PTPRD: variants seen among roughly 807,000 people sequenced by gnomAD.
PTPRD encodes the protein protein tyrosine phosphatase receptor type D.
A neutral mutation model predicts 214.5 loss-of-function variants in PTPRD; 34 were observed. The ratio of observed to expected loss-of-function variants is 0.16; its 90% confidence interval spans 0.12 to 0.21. PTPRD has a LOEUF of 0.21. Ranked by LOEUF, PTPRD falls within the 10% of genes least tolerant of loss-of-function variation. The pLI, the probability that PTPRD is intolerant of heterozygous loss-of-function variation, is 1.00. For missense variants in PTPRD, 2,545 were observed against 2,398.7 expected, an observed-to-expected ratio of 1.06 and a Z score of -1.27; for synonymous variants, 1,128 against 845.7, an observed-to-expected ratio of 1.33 and a Z score of -5.79.
chr9:9,101,408 C>T lies in PTPRD; in HGVS notation c.-143+81896G>A, dbSNP rs1002686423. On this transcript the variant is annotated intron_variant, in intron 10 of 45. Coordinates refer to ENST00000381196, the MANE Select transcript of PTPRD (RefSeq NM_002839.4). ...TTTCTGGCAGCTCTATAAAAATACACCTGTACAGATACGATTAGCATCCTC... is the reference window on the plus strand; with the variant it reads ...TTTCTGGCAGCTCTATAAAAATACATCTGTACAGATACGATTAGCATCCTC... Among the ~76,000 whole-genome samples, 15 of 152,106 alleles carry T rather than the reference C, an allele frequency of 9.9e-5. 1 individual carries two copies. The highest frequency in any genetic ancestry group is 2.1e-4 in the South Asian group (1 of 4,814).
intron 10 of PTPRD, among the ~76,000 whole-genome samples, chr9:9,057,296 AT>A (rs1279178348): frequency 6.6e-6 from 1 of 151,944 alleles, no homozygotes; most frequent in African/African-American, 2.4e-5. Context: ...GCAATGATAT[AT>A]TTTTTTTCTA....
At chr9:9,273,650 G>A (rs1333844682) in intron 9 of PTPRD, among the ~76,000 whole-genome samples, 1 of 151,250 alleles carries the variant, frequency 6.6e-6, no homozygotes, top group Non-Finnish European at 1.5e-5. Context: ...GTCTACCCAG[G>A]CTGACTCTAT....
intron 34 of PTPRD, among the ~76,000 whole-genome samples, chr9:8,448,938 T>C (rs529810241): frequency 6.6e-6 from 1 of 152,284 alleles, no homozygotes; most frequent in Admixed American, 6.5e-5. Context: ...TCATAACATA[T>C]TAAGATAGGG....
chr9:8,825,883 A>C (rs1352283237), intron 11 of PTPRD, among the ~76,000 whole-genome samples: 2 of 152,184 alleles, frequency 1.3e-5, no homozygotes, highest in African/African-American at 2.4e-5. Context: ...AGCAGATGCC[A>C]CAATTGTTGC....
At chr9:8,604,870 A>G (rs2095110769) in intron 14 of PTPRD, among the ~76,000 whole-genome samples, 2 of 152,224 alleles carry the variant, frequency 1.3e-5, no homozygotes, top group African/African-American at 2.4e-5. Context: ...TCATCCCTTA[A>G]CATGTATAGC....
chr9:8,636,555 G>A (rs867324909), intron 13 of PTPRD, 144 bp downstream of exon 13: 86 of 1,097,598 alleles, frequency 7.8e-5, no homozygotes, highest in Middle Eastern at 5.5e-4. Flanking sequence ...GCCATTTAGA[G>A]TTACATTTTC....
chr9:10,035,350 G>C (rs1318091101), intron 3 of PTPRD, among the ~76,000 whole-genome samples: 3 of 151,750 alleles, frequency 2.0e-5, no homozygotes, highest in Non-Finnish European at 4.4e-5. Context: ...CTTTGTCATA[G>C]GAATAGTTTG....
chr9:9,269,231 A>C (rs1478518071), intron 9 of PTPRD, among the ~76,000 whole-genome samples: 2 of 151,382 alleles, frequency 1.3e-5, no homozygotes, highest in Non-Finnish European at 3.0e-5. Context: ...CAGGTTATGA[A>C]ATGGTTAATA....
In PTPRD at chr9:8,517,982, T is replaced by C; in HGVS notation, c.1409A>G (p.Asn470Ser). The change falls in exon 21 of 46, where the codon AAT (asparagine) becomes AGT (serine). Residue 470 changes from asparagine (N) to serine (S), a missense_variant. Transcript: ENST00000381196. ...AGTAGTGATTTGGCTGTCAGCTACA[T>C]TGTGTTTCATCCAGTTGTTGACATG... ...TQHVNNWMKHNVADSQITTIG... is the reference protein window; with the variant it reads ...TQHVNNWMKHSVADSQITTIG... 2.5e-6 allele frequency: 4 copies of C among 1,614,190 alleles called. No individual in the cohort carries two copies. Among genetic ancestry groups the C allele is most frequent in the East Asian group, 2.2e-5 (1 of 44,878 alleles).
chr9:9,238,223 C>G (rs1417017553), intron 9 of PTPRD, among the ~76,000 whole-genome samples: 1 of 152,014 alleles, frequency 6.6e-6, no homozygotes, highest in Non-Finnish European at 1.5e-5. Context: ...TCTCTCAGGT[C>G]TGAAGCTCTG....
At position 8,500,832 on chromosome 9, in the gene PTPRD, G is replaced by T. The variant is rs756198535; in HGVS notation, c.2050C>A (p.Arg684=). Residue 684 remains arginine (R), a synonymous_variant, in exon 24 of 46, where the codon CGG becomes AGG. Transcript: ENST00000381196. ...LEQLEKWTEY[R]ITVTAHTDVG... ...TCTGTATGGGCTGTCACAGTGATCC[G>T]GTATTCAGTCCATTTTTCCAGCTGT... is the stretch of plus-strand genomic sequence containing the variant. 6.2e-7 allele frequency: 1 copy of T among 1,614,128 alleles called. No homozygotes were observed. Among genetic ancestry groups the T allele is most frequent in the South Asian group, 1.1e-5 (1 of 91,088 alleles).
chr9:8,327,606 T>C (rs578086218), intron 44 of PTPRD, among the ~76,000 whole-genome samples: 5 of 152,098 alleles, frequency 3.3e-5, no homozygotes, highest in Non-Finnish European at 7.3e-5. Flanking sequence ...ATGTTCTATC[T>C]CATTGATCTG....
rs572174825 is a variant in PTPRD, at chr9:9,604,399, C to G, written c.-286-29618G>C. Among the ~76,000 whole-genome samples, 52 of 152,068 alleles carry G rather than the reference C, an allele frequency of 3.4e-4. 1 individual carries two copies. The East Asian group carries it at 9.3e-3, about 27-fold the overall frequency. On this transcript the variant is annotated intron_variant, in intron 7 of 45. Coordinates refer to ENST00000381196, the MANE Select transcript of PTPRD (RefSeq NM_002839.4). Reference sequence around the variant, plus strand: ...GAGGGAAATATTTGGCCTTTGTAATCTAAATAATTTATACATAAAATAAGA... The same window carrying G: ...GAGGGAAATATTTGGCCTTTGTAATGTAAATAATTTATACATAAAATAAGA...
intron 10 of PTPRD, among the ~76,000 whole-genome samples, chr9:9,106,545 A>C (rs146933179): frequency 6.4e-4 from 95 of 147,646 alleles, no homozygotes; most frequent in Non-Finnish European, 1.3e-3. Flanking sequence ...CATACTACAG[A>C]GAAGCTCCCA....
Position 10,292,434 on chromosome 9 carries a change from T to G in PTPRD, c.-545+48529A>C, listed in dbSNP as rs867262021. Among the ~76,000 whole-genome samples, 5 of 152,094 alleles carry G rather than the reference T, an allele frequency of 3.3e-5. 1 individual carries two copies. In the Middle Eastern group the frequency reaches 0.01, roughly 310 times the overall value. ...ATTCTGCTCAAAACCTTCCAATACCTTCTCATTTCTCTTGGAATAAAAGCA... is the reference window on the plus strand; with the variant it reads ...ATTCTGCTCAAAACCTTCCAATACCGTCTCATTTCTCTTGGAATAAAAGCA... On this transcript the variant is annotated intron_variant, in intron 3 of 45. Coordinates refer to ENST00000381196, the MANE Select transcript of PTPRD (RefSeq NM_002839.4).
chr9:10,064,531 T>C (rs1422002654), intron 3 of PTPRD, among the ~76,000 whole-genome samples: 2 of 151,896 alleles, frequency 1.3e-5, no homozygotes, highest in African/African-American at 4.8e-5. Context: ...TGGTTAATGG[T>C]CTATCATTTT....
Position 9,778,165 on chromosome 9 carries a change from A to G in PTPRD, c.-367-11314T>C, listed in dbSNP as rs118015446. 6.8e-4 allele frequency among the ~76,000 whole-genome samples: 104 copies of G among 152,296 alleles called. 1 individual carries two copies. The East Asian group carries it at 0.016, about 23-fold the overall frequency. ...AAGCTGTGGTGGATGGAGAGGTGAC[A>G]TTGAAGGCAAGGCTGAAGAGGAAGG... On this transcript the variant is annotated intron_variant, in intron 5 of 45. Transcript: ENST00000381196.
chr9:10,150,361 G>A (rs2099052492), intron 3 of PTPRD, among the ~76,000 whole-genome samples: 1 of 152,112 alleles, frequency 6.6e-6, no homozygotes, highest in South Asian at 2.1e-4. Context: ...GTCCTTTGTA[G>A]GGACATGGAT....
At chr9:9,714,616 T>A (rs2097787329) in intron 7 of PTPRD, among the ~76,000 whole-genome samples, 1 of 152,180 alleles carries the variant, frequency 6.6e-6, no homozygotes, top group South Asian at 2.1e-4. Flanking sequence ...AAAATTCAGA[T>A]TCATCTAAAG....
Sources: allele counts gnomAD v4.1 joint callset (sites outside exome capture counted in the v4.1 genomes callset), GRCh38; gene constraint gnomAD v4.1.1; transcripts MANE v1.5; gene names NCBI Gene and HGNC (gene_info 2026-07-23, HGNC 2026-07-21).